ZFHX3: variants seen among roughly 807,000 people sequenced by gnomAD.
ZFHX3 encodes the protein zinc finger homeobox protein 3.
ZFHX3 carries 42 observed loss-of-function variants against 279.1 expected under a neutral mutation model. The observed-to-expected ratio is 0.15, with a 90% CI of 0.12 to 0.19. The LOEUF (loss-of-function observed/expected upper bound fraction) is 0.19, where lower values mean the gene tolerates loss of function less well. Among genes scored for constraint, ZFHX3 ranks in the 10% least tolerant of loss-of-function variants. ZFHX3 has a pLI of 1.00. For synonymous variants in ZFHX3, 2,293 were observed against 1,957.8 expected (o/e 1.17, Z -4.52); for missense variants, 4,981 against 4,754.0 (o/e 1.05, Z -1.40).
At chr16:73,222,965 A>T (rs1248598780) in intron 5 of ZFHX3, among the ~76,000 whole-genome samples, 1 of 152,210 alleles carries the variant, frequency 6.6e-6, no homozygotes, top group Non-Finnish European at 1.5e-5. Flanking sequence ...CATGTGATAG[A>T]GGAAAGATAG....
At chr16:72,843,934 T>G (rs963694407) in intron 4 of ZFHX3, among the ~76,000 whole-genome samples, 39 of 152,166 alleles carry the variant, frequency 2.6e-4, no homozygotes, top group Non-Finnish European at 4.9e-4. Context: ...TCCTGCCCAG[T>G]GGCAACATGA....
At chr16:73,224,702 G>A (rs1567422875) in intron 5 of ZFHX3, among the ~76,000 whole-genome samples, 2 of 152,188 alleles carry the variant, frequency 1.3e-5, no homozygotes, top group Non-Finnish European at 2.9e-5. Flanking sequence ...TCTATTAGGT[G>A]TCTTTTTCAA....
chr16:73,490,674 CA>C (rs1401037787), intron 2 of ZFHX3, among the ~76,000 whole-genome samples: 2 of 152,088 alleles, frequency 1.3e-5, no homozygotes, highest in Admixed American at 6.5e-5. Context: ...TCCATCTCTA[CA>C]AAAAATACAA....
intron 2 of ZFHX3, among the ~76,000 whole-genome samples, chr16:73,588,920 T>C (rs767263900): frequency 1.3e-5 from 2 of 151,680 alleles, no homozygotes; most frequent in African/African-American, 4.8e-5. Context: ...GAGAAACATA[T>C]AGAACACAAG....
At chr16:73,101,017 C>G (rs1378317623) in intron 7 of ZFHX3, among the ~76,000 whole-genome samples, 2 of 152,190 alleles carry the variant, frequency 1.3e-5, no homozygotes, top group Non-Finnish European at 2.9e-5. Flanking sequence ...TGTCCTTGCT[C>G]TGGTGCTTCA....
At chr16:73,156,116 C>T (rs1200276274) in intron 5 of ZFHX3, among the ~76,000 whole-genome samples, 2 of 150,858 alleles carry the variant, frequency 1.3e-5, no homozygotes, top group Non-Finnish European at 2.9e-5. Flanking sequence ...CCTGTAGTCC[C>T]AGCTACTTGG....
chr16:72,790,869 A>C (rs2035668223), intron 9 of ZFHX3: 1 of 152,236 alleles, frequency 6.6e-6, no homozygotes, highest in South Asian at 2.1e-4. Context: ...TTCTAGGAGA[A>C]AGATTCAGGT....
At chr16:73,076,893 G>GCACACACA (rs57770164) in intron 8 of ZFHX3, among the ~76,000 whole-genome samples, 1,559 of 149,968 alleles carry the variant, frequency 0.01, 22 homozygotes, top group African/African-American at 0.036. Flanking sequence ...ATATGTATAC[G>GCACACACA]CACACACACA....
At chr16:73,319,199 G>A (rs1737769997) in intron 3 of ZFHX3, among the ~76,000 whole-genome samples, 1 of 152,090 alleles carries the variant, frequency 6.6e-6, no homozygotes, top group Non-Finnish European at 1.5e-5. Flanking sequence ...GAAAAGATGT[G>A]AGGGCTTGGA....
At chr16:73,022,099 T>A (rs1273328744) in intron 1 of ZFHX3, among the ~76,000 whole-genome samples, 1 of 152,150 alleles carries the variant, frequency 6.6e-6, no homozygotes, top group Admixed American at 6.5e-5. Flanking sequence ...CAAAATACTA[T>A]AATGCACTTA....
intron 2 of ZFHX3, among the ~76,000 whole-genome samples, chr16:72,954,241 A>T (rs1415709709): frequency 6.6e-6 from 1 of 152,180 alleles, no homozygotes; most frequent in Non-Finnish European, 1.5e-5. Context: ...ATGGTGGCGC[A>T]TGCCTGTAAT....
intron 1 of ZFHX3, among the ~76,000 whole-genome samples, chr16:73,789,875 A>G (rs1007948400): frequency 6.6e-6 from 1 of 152,214 alleles, no homozygotes; most frequent in African/African-American, 2.4e-5. Flanking sequence ...AGAGAAGAAG[A>G]TGAAAAAGGA....
intron 3 of ZFHX3, among the ~76,000 whole-genome samples, chr16:73,385,724 C>G (rs868300118): frequency 1.3e-5 from 2 of 152,224 alleles, no homozygotes; most frequent in Non-Finnish European, 2.9e-5. Flanking sequence ...CAGTGCCCCC[C>G]ACTGCTTACA....
At chr16:73,028,306 C>T (rs1347809443) in intron 1 of ZFHX3, among the ~76,000 whole-genome samples, 1 of 152,196 alleles carries the variant, frequency 6.6e-6, no homozygotes, top group Non-Finnish European at 1.5e-5. Context: ...CCTCAGTCCA[C>T]CGGGAGGTGG....
chr16:73,639,850 C>A (rs2052558536), intron 2 of ZFHX3, among the ~76,000 whole-genome samples: 1 of 152,052 alleles, frequency 6.6e-6, no homozygotes, highest in African/African-American at 2.4e-5. Context: ...GTCAACAAAT[C>A]TTTAAGGAAA....
intron 8 of ZFHX3, among the ~76,000 whole-genome samples, chr16:73,088,971 G>A (rs1004529132): frequency 6.6e-6 from 1 of 152,184 alleles, no homozygotes; most frequent in Non-Finnish European, 1.5e-5. Flanking sequence ...GCTCGTTGAA[G>A]GCCTTAGGAT....
chr16:72,989,825 G>A (rs1236449431), intron 1 of ZFHX3, among the ~76,000 whole-genome samples: 2 of 152,170 alleles, frequency 1.3e-5, no homozygotes, highest in Non-Finnish European at 1.5e-5. Context: ...TTAATTATGC[G>A]GACGCAGAGT....
chr16:72,984,206 G>A (rs1034266612), intron 1 of ZFHX3, among the ~76,000 whole-genome samples: 5 of 152,218 alleles, frequency 3.3e-5, no homozygotes, highest in Admixed American at 3.3e-4. Flanking sequence ...GCCACAGGCT[G>A]CAGCCTGGCA....
chr16:73,758,446 C>G (rs1016441941), intron 1 of ZFHX3, among the ~76,000 whole-genome samples: 16 of 152,132 alleles, frequency 1.1e-4, no homozygotes, highest in African/African-American at 3.9e-4. Flanking sequence ...ATGTGCAACC[C>G]AGGCTTTAAT....
Sources: allele counts gnomAD v4.1 joint callset (sites outside exome capture counted in the v4.1 genomes callset), GRCh38; gene constraint gnomAD v4.1.1; transcripts MANE v1.5; gene names NCBI Gene and HGNC (gene_info 2026-07-23, HGNC 2026-07-21).